Variants in TMEM244 observed in about 807,000 individuals in gnomAD.
TMEM244 encodes the protein transmembrane protein 244, also known as putative transmembrane protein 244.
Under a neutral mutation model 15.8 loss-of-function variants are expected in TMEM244, and 13 were observed. The observed-to-expected ratio is 0.82, with a 90% CI of 0.53 to 1.30. The LOEUF (loss-of-function observed/expected upper bound fraction) is 1.30. Among genes scored for constraint, TMEM244 ranks in the 50% most tolerant of loss-of-function variants. The pLI is 0.00. For missense variants in TMEM244, 161 were observed against 144.9 expected (o/e 1.11, Z -0.57); for synonymous variants, 45 against 48.7 (o/e 0.92, Z 0.32).
chr6:129,847,793 A>T lies in TMEM244; in HGVS notation c.34-1941T>A, dbSNP rs1191264387. 4.1e-4 allele frequency among the ~76,000 whole-genome samples: 44 copies of T among 107,158 alleles called. No individual in the cohort carries two copies. In the East Asian group the frequency reaches 9.0e-3, roughly 22 times the overall value. 70.3% of individuals were successfully genotyped at this position (107,158 alleles called of 152,430 possible). ...CTTTTTTCTTTTTTTTTTTTTTTTG[A>T]GACAGAGTTTTGCTTTTGTTGCCCA... On this transcript the variant is annotated intron_variant, in intron 1 of 4. Coordinates refer to ENST00000368143, the MANE Select transcript of TMEM244 (RefSeq NM_001010876.2).
intron 1 of TMEM244, among the ~76,000 whole-genome samples, chr6:129,859,341 T>C (rs902112045): frequency 2.6e-5 from 4 of 152,230 alleles, no homozygotes; most frequent in Middle Eastern, 3.2e-3. Flanking sequence ...AAAGACTGCA[T>C]TGTAGTTCTT....
At chr6:129,854,259 T>G (rs1394912193) in intron 1 of TMEM244, among the ~76,000 whole-genome samples, 1 of 152,168 alleles carries the variant, frequency 6.6e-6, no homozygotes. Flanking sequence ...TTAGAATTAA[T>G]AGAAGGCTGG....
At chr6:129,833,112 T>C (rs1474274171) in intron 4 of TMEM244, among the ~76,000 whole-genome samples, 2 of 152,196 alleles carry the variant, frequency 1.3e-5, no homozygotes, top group Admixed American at 6.5e-5. Flanking sequence ...TATACCAATG[T>C]TAATTTATTA....
intron 2 of TMEM244, among the ~76,000 whole-genome samples, chr6:129,844,857 T>C (rs1035584536): frequency 6.6e-6 from 1 of 152,206 alleles, no homozygotes; most frequent in Non-Finnish European, 1.5e-5. Context: ...TTTTTGATAG[T>C]TGCATATTGG....
intron 1 of TMEM244, among the ~76,000 whole-genome samples, chr6:129,849,365 A>G (rs759870654): frequency 1.1e-4 from 17 of 152,196 alleles, no homozygotes; most frequent in Non-Finnish European, 1.2e-4. Context: ...CCTCGAATCT[A>G]CACCCTACAG....
chr6:129,837,726 G>A (rs1554206692), intron 3 of TMEM244, among the ~76,000 whole-genome samples: 1 of 152,128 alleles, frequency 6.6e-6, no homozygotes, highest in Non-Finnish European at 1.5e-5. Context: ...AGGGATGGAG[G>A]AAGATCTACC....
chr6:129,838,781 T>C (rs1332159058), intron 3 of TMEM244, among the ~76,000 whole-genome samples: 1 of 152,098 alleles, frequency 6.6e-6, no homozygotes, highest in Non-Finnish European at 1.5e-5. Flanking sequence ...CAAACTACCA[T>C]CAGAGAATAT....
intron 4 of TMEM244, among the ~76,000 whole-genome samples, chr6:129,832,828 A>G (rs1159267377): frequency 6.6e-6 from 1 of 152,194 alleles, no homozygotes; most frequent in African/African-American, 2.4e-5. Context: ...AATAAAAACC[A>G]CTTAATCTAA....
intron 1 of TMEM244, among the ~76,000 whole-genome samples, chr6:129,851,283 T>C (rs1776634835): frequency 6.6e-6 from 1 of 152,128 alleles, no homozygotes; most frequent in African/African-American, 2.4e-5. Flanking sequence ...TATTTATTTA[T>C]TTTGAGATGG....
intron 1 of TMEM244, among the ~76,000 whole-genome samples, chr6:129,853,920 T>A (rs1259747548): frequency 6.6e-6 from 1 of 152,164 alleles, no homozygotes; most frequent in Non-Finnish European, 1.5e-5. Context: ...TGACGGGGCA[T>A]AATTCAAAAC....
intron 3 of TMEM244, among the ~76,000 whole-genome samples, chr6:129,838,436 G>A (rs1393778540): frequency 6.6e-6 from 1 of 152,166 alleles, no homozygotes; most frequent in African/African-American, 2.4e-5. Flanking sequence ...ATTTAAAGCA[G>A]TATGTAGAGG....
intron 3 of TMEM244, among the ~76,000 whole-genome samples, chr6:129,842,533 C>A (rs918929420): frequency 6.6e-6 from 1 of 151,944 alleles, no homozygotes; most frequent in Non-Finnish European, 1.5e-5. Context: ...TCATTGGCCT[C>A]CAGCAATTTT....
intron 2 of TMEM244, among the ~76,000 whole-genome samples, chr6:129,844,090 T>A (rs17474991): frequency 0.13 from 10,216 of 80,504 alleles, 432 homozygotes; most frequent in Non-Finnish European, 0.19. Context: ...TGAAATGTAA[T>A]GTTGAAAAAA....
rs978262671 is a variant in TMEM244 at position 129,860,336 on chromosome 6, A to C, written c.33+820T>G. On this transcript the variant is annotated intron_variant, in intron 1 of 4. Transcript: ENST00000368143. ...ACCCCTTAAAAATAAGCTTTTTAAA[A>C]ATATTTTTCCTGAAATAATGTTTTA... Among the ~76,000 whole-genome samples the C allele has an allele frequency of 4.5e-4, 69 of 152,296 alleles. 2 individuals are homozygous for C. The highest frequency in any genetic ancestry group is 1.6e-3 in the African/African-American group (66 of 41,562).
chr6:129,843,935 T>C (rs1349085974), intron 2 of TMEM244, among the ~76,000 whole-genome samples: 1 of 152,154 alleles, frequency 6.6e-6, no homozygotes, highest in East Asian at 1.9e-4. Flanking sequence ...GTAAACTCAC[T>C]TCATGACCAA....
At chr6:129,835,308 G>A (rs1437210243) in intron 3 of TMEM244, among the ~76,000 whole-genome samples, 1 of 151,546 alleles carries the variant, frequency 6.6e-6, no homozygotes, top group Admixed American at 6.6e-5. Context: ...GGAGATGGGA[G>A]GATCTCTTGA....
At chr6:129,844,670 C>T (rs751670008) in intron 2 of TMEM244, among the ~76,000 whole-genome samples, 39 of 152,282 alleles carry the variant, frequency 2.6e-4, no homozygotes, top group Admixed American at 5.2e-4. Flanking sequence ...CCTTAAAATC[C>T]GGTGCTCAGA....
intron 1 of TMEM244, among the ~76,000 whole-genome samples, chr6:129,860,707 CG>C (rs1776796589): frequency 6.6e-6 from 1 of 150,656 alleles, no homozygotes; most frequent in African/African-American, 2.4e-5. Flanking sequence ...ACACTAGCCT[CG>C]GGGGAAAAAG....
At chr6:129,842,378 C>A (rs17474712) in intron 3 of TMEM244, among the ~76,000 whole-genome samples, 10,529 of 152,164 alleles carry the variant, frequency 0.069, 449 homozygotes, top group Non-Finnish European at 0.091. Flanking sequence ...ATCTCAGAAT[C>A]GAAGTATCTT....
Sources: gnomAD v4.1 joint callset for allele counts (sites outside exome capture counted in the v4.1 genomes callset) on GRCh38, gnomAD v4.1.1 for gene constraint, MANE v1.5 for transcripts, NCBI Gene and HGNC (gene_info 2026-07-23, HGNC 2026-07-21) for gene names.